Variants in RAB11FIP3 observed in about 807,000 individuals in gnomAD.
RAB11FIP3 encodes RAB11 family interacting protein 3.
A neutral mutation model predicts 77.8 loss-of-function variants in RAB11FIP3; 17 were observed. That is an observed-to-expected ratio of 0.22 (90% confidence interval 0.15 to 0.33). The LOEUF is 0.33. RAB11FIP3 is among the 10% of genes least tolerant of loss of function. The probability of loss-of-function intolerance (pLI) is 1.00; values close to 1 mark genes in which losing one functional copy is unlikely to be tolerated. For synonymous variants in RAB11FIP3, 437 were observed against 448.2 expected (o/e 0.98, Z 0.31); for missense variants, 1,005 against 1,011.2 (o/e 0.99, Z 0.08).
chr16:488,726 T>TTTA, intron 4 of RAB11FIP3, 125 bp from the exon 5 acceptor site: 4 of 872,998 alleles, frequency 4.6e-6, no homozygotes, highest in East Asian at 3.1e-5. Flanking sequence ...TTTTTTTTTT[T>TTTA]AAACGTGGCT....
intron 2 of RAB11FIP3, among the ~76,000 whole-genome samples, chr16:468,509 A>G (rs896535645): frequency 2.6e-5 from 4 of 152,136 alleles, no homozygotes; most frequent in African/African-American, 7.2e-5. Flanking sequence ...GTGATCATCC[A>G]AACCGCACTT....
chr16:487,889 C>T (rs1451690577), intron 4 of RAB11FIP3, among the ~76,000 whole-genome samples: 2 of 152,144 alleles, frequency 1.3e-5, no homozygotes, highest in African/African-American at 4.8e-5. Context: ...GAACGGCGCC[C>T]CCCAGTGGTT....
chr16:428,827 G>C (rs1304478479), intron 1 of RAB11FIP3, among the ~76,000 whole-genome samples: 1 of 152,096 alleles, frequency 6.6e-6, no homozygotes, highest in Non-Finnish European at 1.5e-5. Context: ...ACTTTGTGTT[G>C]CTATTTGGGG....
In RAB11FIP3 at chr16:438,554, C is replaced by T. The variant is rs145045568; in HGVS notation, c.714+11834C>T. 6.7e-4 allele frequency among the ~76,000 whole-genome samples: 100 copies of T among 149,706 alleles called. 2 individuals are homozygous for T. The highest frequency in any genetic ancestry group is 6.2e-3 in the South Asian group (29 of 4,714). On this transcript the variant is annotated intron_variant, in intron 1 of 13. Coordinates refer to ENST00000262305, the MANE Select transcript of RAB11FIP3 (RefSeq NM_014700.4). ...ACGAGTAGCTGGGACTACAGGTGCA[C>T]GCCACCACGCCTGGCTAATTTTTGT...
chr16:460,514 T>C (rs908401409), intron 1 of RAB11FIP3, among the ~76,000 whole-genome samples: 1 of 147,718 alleles, frequency 6.8e-6, no homozygotes, highest in Non-Finnish European at 1.5e-5. Flanking sequence ...CAATTTACAC[T>C]TGGCAGAATA....
rs970268770 is a variant in RAB11FIP3 at position 461,001 on chromosome 16, A to G, written c.715-403A>G. 2.0e-5 allele frequency among the ~76,000 whole-genome samples: 3 copies of G among 150,428 alleles called. No individual in the cohort carries two copies. The highest frequency in any genetic ancestry group is 1.9e-4 in the East Asian group (1 of 5,196). On this transcript the variant is annotated intron_variant, in intron 1 of 13. Coordinates refer to ENST00000262305, the MANE Select transcript of RAB11FIP3 (RefSeq NM_014700.4). This position sits in a 1 kb window ranked among gnomAD's most constrained non-coding sequence, Gnocchi z 4.5. The stretch of plus-strand genomic sequence containing the variant: ...TTCTTTGCATGTGGTGAAAAAGCCA[A>G]GCTCGCGATACAGCCTAATCCCGAT...
chr16:512,020 G>T (rs897726413), intron 9 of RAB11FIP3, among the ~76,000 whole-genome samples: 1 of 148,272 alleles, frequency 6.7e-6, no homozygotes, highest in African/African-American at 2.5e-5. Flanking sequence ...GGCAGGAGAG[G>T]TTCCGACAGC....
At chr16:435,505 ATGTAC>A (rs1255203478) in intron 1 of RAB11FIP3, among the ~76,000 whole-genome samples, 2 of 152,252 alleles carry the variant, frequency 1.3e-5, no homozygotes, top group African/African-American at 2.4e-5. Flanking sequence ...TGATAGAGTG[ATGTAC>A]TAAATATACA....
At chr16:511,403 C>T (rs1426203569) in intron 9 of RAB11FIP3, among the ~76,000 whole-genome samples, 5 of 130,094 alleles carry the variant, frequency 3.8e-5, no homozygotes, top group African/African-American at 3.0e-5. Flanking sequence ...CCCGACAGCC[C>T]GCCAACCCCA....
rs34597208 is a variant in RAB11FIP3 at position 487,131 on chromosome 16, C to CTT, written c.1116-1704_1116-1703dup. ...GGCACAGGCCTCCTGGTTTTGGTTT[C>CTT]TTTTTTTTTTTTTTTTTGAGACGGA... is the stretch of plus-strand genomic sequence containing the variant. On this transcript the variant is annotated intron_variant, in intron 4 of 13. Coordinates refer to ENST00000262305, the MANE Select transcript of RAB11FIP3 (RefSeq NM_014700.4). Among the ~76,000 whole-genome samples, 228 of 134,476 alleles carry CTT rather than the reference C, an allele frequency of 1.7e-3. 2 individuals are homozygous for CTT. The highest frequency in any genetic ancestry group is 0.01 in the East Asian group (46 of 4,584). The allele number at this position is 134,476 out of a possible 152,430, so 88.2% of individuals were successfully genotyped here.
rs190681378 is a variant in RAB11FIP3 at position 450,371 on chromosome 16, T to C, written c.715-11033T>C. Reference sequence around the variant, plus strand: ...TTTGTATTTTTGGTAGATATTTTTGTATTTTTGTTTCACTGTGGTGCCCAG... The same window carrying C: ...TTTGTATTTTTGGTAGATATTTTTGCATTTTTGTTTCACTGTGGTGCCCAG... On this transcript the variant is annotated intron_variant, in intron 1 of 13. Coordinates refer to ENST00000262305, the MANE Select transcript of RAB11FIP3 (RefSeq NM_014700.4). 1.5e-3 allele frequency among the ~76,000 whole-genome samples: 223 copies of C among 152,292 alleles called. 1 individual carries two copies. Among genetic ancestry groups the C allele is most frequent in the African/African-American group, 5.2e-3 (216 of 41,558 alleles).
At chr16:449,003 G>A (rs2055363923) in intron 1 of RAB11FIP3, among the ~76,000 whole-genome samples, 1 of 152,082 alleles carries the variant, frequency 6.6e-6, no homozygotes, top group African/African-American at 2.4e-5. Flanking sequence ...AAGTAAGATG[G>A]CTGTGGTAGG....
At chr16:476,377 G>A (rs576912487) in intron 3 of RAB11FIP3, among the ~76,000 whole-genome samples, 25 of 152,330 alleles carry the variant, frequency 1.6e-4, no homozygotes, top group African/African-American at 6.0e-4. Flanking sequence ...GCTTTTGCCT[G>A]CAGGGGCACC....
At chr16:488,270 C>T (rs959553989) in intron 4 of RAB11FIP3, among the ~76,000 whole-genome samples, 1 of 151,960 alleles carries the variant, frequency 6.6e-6, no homozygotes, top group African/African-American at 2.4e-5. Flanking sequence ...GTCCCAGCTA[C>T]TCGGGAGGTG....
At position 425,939 on chromosome 16, in the gene RAB11FIP3, C is replaced by A; in HGVS notation, c.-68C>A. ...CGCGCCGCCGAGGGGATGCCCGCGC[C>A]CGCCGCCGCGCCCTGAGCGCCTTTG... is the stretch of plus-strand genomic sequence containing the variant. On this transcript the variant is annotated 5_prime_UTR_variant, in exon 1 of 14. Transcript: ENST00000262305. 1 of 686,070 alleles carries A rather than the reference C, an allele frequency of 1.5e-6. No homozygotes were observed. The highest frequency in any genetic ancestry group is 1.8e-6 in the Non-Finnish European group (1 of 558,628). 42.5% of individuals were successfully genotyped at this position (686,070 alleles called of 1,614,324 possible).
At chr16:448,451 A>C (rs547777281) in intron 1 of RAB11FIP3, among the ~76,000 whole-genome samples, 3 of 151,980 alleles carry the variant, frequency 2.0e-5, no homozygotes, top group African/African-American at 7.2e-5. Flanking sequence ...AAAATACAAA[A>C]TTAGGCCGGG....
At chr16:450,478 C>T (rs2055389190) in intron 1 of RAB11FIP3, among the ~76,000 whole-genome samples, 1 of 152,202 alleles carries the variant, frequency 6.6e-6, no homozygotes, top group Non-Finnish European at 1.5e-5. Context: ...CCACGCCCAA[C>T]CAAGTATTGG....
chr16:459,434 T>C lies in RAB11FIP3; in HGVS notation c.715-1970T>C, dbSNP rs1296551735. Among the ~76,000 whole-genome samples the C allele has an allele frequency of 3.4e-5, 5 of 147,132 alleles. No homozygotes were observed. In the East Asian group the frequency reaches 9.9e-4, roughly 29 times the overall value. On this transcript the variant is annotated intron_variant, in intron 1 of 13. Transcript: ENST00000262305. Reference sequence around the variant, plus strand: ...AACCACCACACCCAGCTTCAAACTTTTTTTTTTTTTTTTTTTTTAGCAGAC... The same window carrying C: ...AACCACCACACCCAGCTTCAAACTTCTTTTTTTTTTTTTTTTTTAGCAGAC...
chr16:439,924 C>T (rs1425944060), intron 1 of RAB11FIP3, among the ~76,000 whole-genome samples: 3 of 151,512 alleles, frequency 2.0e-5, no homozygotes, highest in Admixed American at 2.0e-4. Context: ...GATCAGTGCA[C>T]CCTCTGCCTC....
Sources: gnomAD v4.1 joint callset for allele counts (sites outside exome capture counted in the v4.1 genomes callset) on GRCh38, gnomAD v4.1.1 for gene constraint, Gnocchi (gnomAD v3.1) non-coding constraint, MANE v1.5 for transcripts, NCBI Gene and HGNC (gene_info 2026-07-23, HGNC 2026-07-21) for gene names.